HDGFL2: variants seen among roughly 807,000 people sequenced by gnomAD.
HDGFL2 encodes the protein HDGF like 2.
A neutral mutation model predicts 77.1 loss-of-function variants in HDGFL2; 36 were observed. That is an observed-to-expected ratio of 0.47 (90% CI 0.36 to 0.62). The LOEUF is 0.62. Among genes scored for constraint, HDGFL2 ranks in the 20% least tolerant of loss-of-function variants. The pLI is 0.00. For missense variants in HDGFL2, 976 were observed against 973.4 expected, an observed-to-expected ratio of 1.00 and a Z score of -0.04; for synonymous variants, 463 against 413.1, an observed-to-expected ratio of 1.12 and a Z score of -1.46.
At chr19:4,480,079 G>T (rs1168388768) in intron 3 of HDGFL2, among the ~76,000 whole-genome samples, 1 of 152,090 alleles carries the variant, frequency 6.6e-6, no homozygotes, top group African/African-American at 2.4e-5. Flanking sequence ...GCATTGCAGG[G>T]TGTTGAGCAG....
chr19:4,493,799 TCTTCC>T lies in HDGFL2; in HGVS notation c.776_780del (p.Ser259PhefsTer35). The T allele has an allele frequency of 1.9e-6, 3 of 1,542,540 alleles. No homozygotes were observed. The highest frequency in any genetic ancestry group is 1.8e-6 in the Non-Finnish European group (2 of 1,141,112). On this transcript the variant is annotated frameshift_variant, in exon 7 of 16. Coordinates refer to ENST00000616600, the MANE Select transcript of HDGFL2 (RefSeq NM_001001520.3). LOFTEE classifies it high-confidence loss of function. ...GGCGCGGTCGGCGTCCTCCTCCTCC[TCTTCC>T]TCCTCCTCCTCCGACTCCGATGTGT...
chr19:4,495,845 C>G (rs1486012335), intron 9 of HDGFL2, among the ~76,000 whole-genome samples: 2 of 152,162 alleles, frequency 1.3e-5, no homozygotes, highest in African/African-American at 2.4e-5. Flanking sequence ...CTGTCACGCC[C>G]TCTACCCTTG....
At chr19:4,486,082 G>A (rs974766665) in intron 3 of HDGFL2, among the ~76,000 whole-genome samples, 32 of 148,168 alleles carry the variant, frequency 2.2e-4, no homozygotes, top group Admixed American at 8.1e-4. Flanking sequence ...CAACAACCAC[G>A]AAAACTCAAT....
chr19:4,480,950 G>A (rs1274781972), intron 3 of HDGFL2, among the ~76,000 whole-genome samples: 3 of 141,996 alleles, frequency 2.1e-5, no homozygotes, highest in African/African-American at 5.2e-5. Context: ...TCCACCTCCC[G>A]GGTTCAAGCT....
chr19:4,493,820 T>C lies in HDGFL2; in HGVS notation c.796T>C (p.Ser266Pro). 2 of 1,533,610 alleles carry C rather than the reference T, an allele frequency of 1.3e-6. No individual in the cohort carries two copies. The highest frequency in any genetic ancestry group is 1.8e-6 in the Non-Finnish European group (2 of 1,136,546). The change falls in exon 7 of 16, where the codon TCC (serine) becomes CCC (proline). Residue 266 changes from serine (S) to proline (P), a missense_variant. Physicochemically the swap from Ser to Pro is moderately conservative, Grantham distance 74. Around this residue, in one of 5 missense-constraint regions of HDGFL2, gnomAD observed 567 missense variants for 534.7 expected, o/e 1.06. Coordinates refer to ENST00000616600, the MANE Select transcript of HDGFL2 (RefSeq NM_001001520.3). ...CTCCTCTTCCTCCTCCTCCTCCGACTCCGATGTGTCTGTGAAGAAGCCTCC... is the reference window on the plus strand; with the variant it reads ...CTCCTCTTCCTCCTCCTCCTCCGACCCCGATGTGTCTGTGAAGAAGCCTCC... Reference protein sequence around the residue: ...SSSSSSSSSDSDVSVKKPPRG... With the variant: ...SSSSSSSSSDPDVSVKKPPRG...
intron 6 of HDGFL2, among the ~76,000 whole-genome samples, chr19:4,493,327 C>T (rs1018249142): frequency 1.4e-5 from 2 of 144,344 alleles, no homozygotes; most frequent in East Asian, 2.0e-4. Flanking sequence ...CTGTGTGTGG[C>T]GTGTGTGTTT....
chr19:4,481,296 T>G (rs1233862298), intron 3 of HDGFL2, among the ~76,000 whole-genome samples: 1 of 151,760 alleles, frequency 6.6e-6, no homozygotes, highest in Admixed American at 6.6e-5. Flanking sequence ...ATTCATGCTA[T>G]TCTCCTGCCT....
chr19:4,498,015 G>A lies in HDGFL2; in HGVS notation c.1386G>A (p.Lys462=). ...KRSEGFSMDR[K]VEKKKEPSVE... ...CCGAGGGCTTCTCGATGGACAGGAA[G>A]GTAGAGAAGAAGAAAGGTGAGGCCT... Residue 462 remains lysine (K), a synonymous_variant, in exon 11 of 16, where the codon AAG becomes AAA. Coordinates refer to ENST00000616600, the MANE Select transcript of HDGFL2 (RefSeq NM_001001520.3). The A allele has an allele frequency of 1.3e-6, 2 of 1,556,228 alleles. No individual in the cohort carries two copies. The highest frequency in any genetic ancestry group is 2.4e-5 in the South Asian group (2 of 84,352).
Position 4,499,471 on chromosome 19 carries a change from CCTCTT to C in HDGFL2, c.1576-14_1576-10del. Reference sequence around the variant, plus strand: ...GGCCGCTGCACTTGGGTGAGCCAGGCCTCTTCTCTTGGTGGCCAGATTCGCCGTTA... The same window carrying C: ...GGCCGCTGCACTTGGGTGAGCCAGGCCTCTTGGTGGCCAGATTCGCCGTTA... On this transcript the variant is annotated splice_polypyrimidine_tract_variant and intron_variant, in intron 13 of 15. Transcript: ENST00000616600. 3 of 1,608,466 alleles carry C rather than the reference CCTCTT, an allele frequency of 1.9e-6. No individual in the cohort carries two copies. Among genetic ancestry groups the C allele is most frequent in the Non-Finnish European group, 1.7e-6 (2 of 1,177,114 alleles).
intron 3 of HDGFL2, among the ~76,000 whole-genome samples, chr19:4,482,026 CTTTTTTTTTTT>C (rs34398630): frequency 1.4e-5 from 1 of 71,664 alleles, no homozygotes; most frequent in Non-Finnish European, 2.4e-5. Flanking sequence ...TGGCTTTGGC[CTTTTTTTTTTT>C]TTTTTTTTTT....
intron 3 of HDGFL2, among the ~76,000 whole-genome samples, chr19:4,483,104 C>T (rs929242090): frequency 6.6e-6 from 1 of 152,270 alleles, no homozygotes; most frequent in Admixed American, 6.5e-5. Context: ...TTATTACTCT[C>T]AGCGTTCTCC....
chr19:4,493,894 C>T, intron 7 of HDGFL2, 32 bp downstream of exon 7: 1 of 1,511,510 alleles, frequency 6.6e-7, no homozygotes, highest in Non-Finnish European at 8.9e-7. Flanking sequence ...ATCTCTTGGC[C>T]TGGCCCCTGC....
chr19:4,493,268 G>GGTGTGTGTGTTGTCTGTGTGTGGT (rs1975595809), intron 6 of HDGFL2, among the ~76,000 whole-genome samples: 1 of 145,574 alleles, frequency 6.9e-6, no homozygotes. Context: ...GTGTGTGTGT[G>GGTGTGTGTGTTGTCTGTGTGTGGT]GTGTGTGTGT....
At chr19:4,496,967 G>T (rs564724467) in intron 10 of HDGFL2, 10 of 382,070 alleles carry the variant, frequency 2.6e-5, no homozygotes, top group East Asian at 2.3e-4. Context: ...TCCGCCTCCC[G>T]GGTTCAAGCG....
At chr19:4,484,666 AT>A (rs71168907) in intron 3 of HDGFL2, among the ~76,000 whole-genome samples, 66 of 74,112 alleles carry the variant, frequency 8.9e-4, no homozygotes, top group South Asian at 8.4e-3. Context: ...CGCCTGGCTA[AT>A]TTTTTTTTTT....
chr19:4,474,737 G>A (rs770359263), intron 1 of HDGFL2, among the ~76,000 whole-genome samples: 1 of 152,078 alleles, frequency 6.6e-6, no homozygotes, highest in African/African-American at 2.4e-5. Flanking sequence ...ACGTTTCCAA[G>A]CACCTGATTG....
intron 3 of HDGFL2, among the ~76,000 whole-genome samples, chr19:4,480,221 A>G (rs947526381): frequency 2.0e-5 from 3 of 152,186 alleles, no homozygotes; most frequent in African/African-American, 7.2e-5. Context: ...GAAGAGGTAG[A>G]GAGACCTGTC....
chr19:4,491,304 C>G (rs115171174), intron 4 of HDGFL2, among the ~76,000 whole-genome samples: 10,432 of 142,196 alleles, frequency 0.073, 484 homozygotes, highest in African/African-American at 0.11. Flanking sequence ...CCTGGTGCCC[C>G]TCATCCTACT....
In HDGFL2 at chr19:4,502,192, T is replaced by C. The variant is rs1329780352; in HGVS notation, c.*182T>C. Reference sequence around the variant, plus strand: ...ACCAACATGAAATGACTATAAATGGTTTTTTAATGAAAAAAGAAATCACTT... The same window carrying C: ...ACCAACATGAAATGACTATAAATGGCTTTTTAATGAAAAAAGAAATCACTT... On this transcript the variant is annotated 3_prime_UTR_variant, in exon 16 of 16. Transcript: ENST00000616600. 1 of 670,902 alleles carries C rather than the reference T, an allele frequency of 1.5e-6. No homozygotes were observed. Among genetic ancestry groups the C allele is most frequent in the Admixed American group, 2.5e-5 (1 of 39,366 alleles). The allele number at this position is 670,902 out of a possible 1,614,324, so 41.6% of individuals were successfully genotyped here.
Sources: gnomAD v4.1 joint callset for allele counts (sites outside exome capture counted in the v4.1 genomes callset) on GRCh38, gnomAD v4.1.1 for gene constraint, gnomAD v4.1.1 regional missense constraint, MANE v1.5 for transcripts, NCBI Gene and HGNC (gene_info 2026-07-23, HGNC 2026-07-21) for gene names.